Variants in CCDC81 observed in about 807,000 individuals in gnomAD.
The protein encoded by CCDC81 is coiled-coil domain containing 81.
In CCDC81, 79 loss-of-function variants were observed where a neutral mutation model predicts 83.7. The observed-to-expected ratio is 0.94, with a 90% CI of 0.79 to 1.14. CCDC81 has a LOEUF of 1.14. Ranked by LOEUF, CCDC81 falls within the 50% of genes most tolerant of loss-of-function variation. The pLI is 0.00. For synonymous variants in CCDC81, 252 were observed against 278.1 expected (o/e 0.91, Z 0.93); for missense variants, 791 against 778.1 (o/e 1.02, Z -0.20).
chr11:86,398,664 C>T (rs556384036), intron 6 of CCDC81, among the ~76,000 whole-genome samples: 3 of 152,212 alleles, frequency 2.0e-5, no homozygotes, highest in South Asian at 2.1e-4. Flanking sequence ...GATTCTCCTG[C>T]GTCCAAGCTA....
Position 86,378,700 on chromosome 11 carries a change from T to C in CCDC81, c.79+3458T>C, listed in dbSNP as rs554737820. The stretch of plus-strand genomic sequence containing the variant: ...AAATTCTTAGGTCTTCTTGAAAGAT[T>C]GACCCCTCTATTATTATGTAATGCT... On this transcript the variant is annotated intron_variant, in intron 1 of 14. Coordinates refer to ENST00000445632, the MANE Select transcript of CCDC81 (RefSeq NM_001156474.2). Among the ~76,000 whole-genome samples the C allele has an allele frequency of 3.9e-5, 6 of 152,338 alleles. No homozygotes were observed. The East Asian group carries it at 1.2e-3, about 29-fold the overall frequency.
In CCDC81 at chr11:86,396,696, T is replaced by C. The variant is rs116876726; in HGVS notation, c.636-925T>C. Among the ~76,000 whole-genome samples, 205 of 152,286 alleles carry C rather than the reference T, an allele frequency of 1.3e-3. 1 individual carries two copies. Among genetic ancestry groups the C allele is most frequent in the Non-Finnish European group, 2.5e-3 (169 of 68,018 alleles). ...CCTCATCTTGCACACGAAATGGCCA[T>C]GCAACTAATAAGCAGCCAAGCTTAT... is the stretch of plus-strand genomic sequence containing the variant. On this transcript the variant is annotated intron_variant, in intron 5 of 14. Coordinates refer to ENST00000445632, the MANE Select transcript of CCDC81 (RefSeq NM_001156474.2).
intron 1 of CCDC81, among the ~76,000 whole-genome samples, chr11:86,378,987 A>G (rs1392527394): frequency 1.3e-5 from 2 of 152,112 alleles, no homozygotes; most frequent in Non-Finnish European, 2.9e-5. Flanking sequence ...CTAGATTAAT[A>G]CCTACCATAT....
rs2138529768 is a variant in CCDC81, at chr11:86,407,633, C to T, written c.901C>T (p.Leu301=). The part of the protein sequence containing the change: ...TPESLSYPSC[L]KHDSEMKPQT... Reference sequence around the variant, plus strand: ...TTATAGCTTATCATATCCAAGTTGTCTGAAACACGACAGTGAGATGAAGCC... The same window carrying T: ...TTATAGCTTATCATATCCAAGTTGTTTGAAACACGACAGTGAGATGAAGCC... The change falls in exon 8 of 15, where the codon CTG becomes TTG. Residue 301 remains leucine (L), a synonymous_variant. Coordinates refer to ENST00000445632, the MANE Select transcript of CCDC81 (RefSeq NM_001156474.2). 6.2e-7 allele frequency: 1 copy of T among 1,613,020 alleles called. No homozygotes were observed. The highest frequency in any genetic ancestry group is 8.5e-7 in the Non-Finnish European group (1 of 1,179,312).
intron 1 of CCDC81, among the ~76,000 whole-genome samples, chr11:86,378,857 G>T (rs191408664): frequency 6.6e-6 from 1 of 152,132 alleles, no homozygotes; most frequent in East Asian, 1.9e-4. Flanking sequence ...TATGTTTTTA[G>T]ATTTAGATTG....
intron 8 of CCDC81, 87 bp downstream of exon 8, chr11:86,407,788 T>C (rs1368498567): frequency 1.0e-6 from 1 of 1,001,900 alleles, no homozygotes; most frequent in Non-Finnish European, 1.5e-6. Context: ...CTCTCTTCCT[T>C]AATTATATGA....
At chr11:86,387,758 C>A in intron 3 of CCDC81, 86 bp downstream of exon 3, 2 of 904,146 alleles carry the variant, frequency 2.2e-6, no homozygotes, top group Non-Finnish European at 3.3e-6. Flanking sequence ...GCCAGTGCTG[C>A]TGTCTTACCT....
At chr11:86,385,914 G>C in intron 1 of CCDC81, 137 bp from the exon 2 acceptor site, 1 of 353,884 alleles carries the variant, frequency 2.8e-6, no homozygotes, top group Non-Finnish European at 5.3e-6. Flanking sequence ...CTTGTTTTTT[G>C]TTAATTCTAA....
In CCDC81 at chr11:86,419,959, C is replaced by T. The variant is rs763581774; in HGVS notation, c.1723C>T (p.Arg575Ter). ...HLADRTAELE[R>*]VNRVNQCLQE... ...GGCAGACAGAACCGCTGAGCTGGAG[C>T]GAGTAAATAGAGTCAACCAATGCTT... The change falls in exon 14 of 15, where the codon CGA becomes TGA. Residue 575 changes from arginine to a stop codon, truncating the protein, a stop_gained. Transcript: ENST00000445632. LOFTEE classifies it high-confidence loss of function. The T allele has an allele frequency of 2.0e-5, 32 of 1,613,344 alleles. No individual in the cohort carries two copies. The East Asian group carries it at 2.0e-4, about 10-fold the overall frequency.
intron 7 of CCDC81, among the ~76,000 whole-genome samples, chr11:86,404,115 T>C (rs1322484168): frequency 1.3e-5 from 2 of 152,120 alleles, no homozygotes; most frequent in African/African-American, 2.4e-5. Context: ...AGAAACCAGA[T>C]TGAGACATAT....
chr11:86,418,894 G>A (rs534195589), intron 13 of CCDC81, among the ~76,000 whole-genome samples: 4 of 151,966 alleles, frequency 2.6e-5, no homozygotes, highest in African/African-American at 4.8e-5. Flanking sequence ...AAAAATCTAC[G>A]AAAAGAAAAA....
rs142365080 is a variant in CCDC81, at chr11:86,415,193, G to A, written c.1571G>A (p.Arg524Gln). 88 of 1,614,054 alleles carry A rather than the reference G, an allele frequency of 5.5e-5. No individual in the cohort carries two copies. The highest frequency in any genetic ancestry group is 6.8e-5 in the Non-Finnish European group (80 of 1,180,052). Residue 524 changes from arginine to glutamine, a missense_variant, in exon 13 of 15, where the codon CGA (arginine) becomes CAA (glutamine). Arg to Gln is a conservative substitution (Grantham distance 43). Transcript: ENST00000445632. ...GAACTGATGGTGGAAAAGCAAAAGCGAGAACAAAATTACATGAAACACCAG... is the reference window on the plus strand; with the variant it reads ...GAACTGATGGTGGAAAAGCAAAAGCAAGAACAAAATTACATGAAACACCAG... ...EGELMVEKQK[R>Q]EQNYMKHQLE...
chr11:86,403,925 G>A (rs1469960760), intron 7 of CCDC81, among the ~76,000 whole-genome samples: 1 of 152,142 alleles, frequency 6.6e-6, no homozygotes, highest in East Asian at 1.9e-4. Flanking sequence ...TGTCAAAGAT[G>A]ACCCCAGATT....
At chr11:86,390,659 G>A (rs1391346625) in intron 3 of CCDC81, among the ~76,000 whole-genome samples, 1 of 152,180 alleles carries the variant, frequency 6.6e-6, no homozygotes, top group Non-Finnish European at 1.5e-5. Flanking sequence ...AGACATTTCA[G>A]ATGTAGAATT....
chr11:86,386,914 C>G (rs1031999357), intron 2 of CCDC81, among the ~76,000 whole-genome samples: 8 of 152,180 alleles, frequency 5.3e-5, no homozygotes, highest in African/African-American at 1.9e-4. Context: ...ATCACATTCC[C>G]TGGCTGGCTA....
chr11:86,403,288 A>G (rs1948518051), intron 7 of CCDC81, among the ~76,000 whole-genome samples: 2 of 152,116 alleles, frequency 1.3e-5, no homozygotes, highest in African/African-American at 2.4e-5. Context: ...AGAGAACTTC[A>G]TATATCATAA....
chr11:86,378,494 A>T (rs992126799), intron 1 of CCDC81, among the ~76,000 whole-genome samples: 29 of 152,124 alleles, frequency 1.9e-4, no homozygotes, highest in African/African-American at 5.8e-4. Context: ...CATTTGATTG[A>T]TGGTGCTGTT....
chr11:86,394,900 T>C (rs1395221840), intron 4 of CCDC81, among the ~76,000 whole-genome samples: 1 of 152,230 alleles, frequency 6.6e-6, no homozygotes, highest in Non-Finnish European at 1.5e-5. Context: ...TAAGGCCACA[T>C]GCCTGTTAGC....
intron 3 of CCDC81, among the ~76,000 whole-genome samples, chr11:86,389,385 T>TTC (rs1948292380): frequency 6.6e-6 from 1 of 152,198 alleles, no homozygotes; most frequent in Non-Finnish European, 1.5e-5. Context: ...TCTCACACTG[T>TTC]TATAAATAAC....
Sources: allele counts gnomAD v4.1 joint callset (sites outside exome capture counted in the v4.1 genomes callset), GRCh38; gene constraint gnomAD v4.1.1; transcripts MANE v1.5; gene names NCBI Gene and HGNC (gene_info 2026-07-23, HGNC 2026-07-21).